Variants in LRRC74A observed in about 807,000 individuals in gnomAD.
The protein encoded by LRRC74A is leucine rich repeat containing 74A.
In LRRC74A, 44 loss-of-function variants were observed where a neutral mutation model predicts 57.9. That is an observed-to-expected ratio of 0.76 (90% CI 0.60 to 0.98). LRRC74A has a LOEUF of 0.98. LRRC74A is among the 50% of genes least tolerant of loss of function. The pLI, the probability that LRRC74A is intolerant of heterozygous loss-of-function variation, is 0.00. For missense variants in LRRC74A, 572 were observed against 574.0 expected, an observed-to-expected ratio of 1.00 and a Z score of 0.04; for synonymous variants, 211 against 219.4, an observed-to-expected ratio of 0.96 and a Z score of 0.34.
intron 2 of LRRC74A, among the ~76,000 whole-genome samples, chr14:76,830,808 T>A (rs1319181062): frequency 6.6e-6 from 1 of 152,204 alleles, no homozygotes; most frequent in African/African-American, 2.4e-5. Flanking sequence ...CCATCAACCA[T>A]CAAAAGTCAT....
intron 7 of LRRC74A, among the ~76,000 whole-genome samples, chr14:76,850,591 G>A (rs992529351): frequency 3.9e-5 from 6 of 152,100 alleles, no homozygotes; most frequent in African/African-American, 9.7e-5. Context: ...AAATAGGCCC[G>A]TGCAGTGGCT....
intron 12 of LRRC74A, among the ~76,000 whole-genome samples, chr14:76,866,497 G>T (rs575820214): frequency 2.0e-5 from 3 of 152,124 alleles, no homozygotes; most frequent in Non-Finnish European, 4.4e-5. Context: ...GGTACTGAAA[G>T]CCCCCTGTAA....
At chr14:76,845,778 C>T (rs1400245388) in intron 7 of LRRC74A, among the ~76,000 whole-genome samples, 18 of 152,228 alleles carry the variant, frequency 1.2e-4, no homozygotes, top group African/African-American at 3.1e-4. Context: ...CCCAGCACTT[C>T]GGGAGGCCGA....
At position 76,844,941 on chromosome 14, in the gene LRRC74A, T is replaced by C. The variant is rs1269238788; in HGVS notation, c.676+40T>C. ...AGGAAGGGACAGCAAAGGGGAGGGA[T>C]AGGGAAGAATCACTTGGCAGAGCGG... On this transcript the variant is annotated intron_variant, in intron 7 of 13. Transcript: ENST00000689127. The C allele has an allele frequency of 3.9e-6, 4 of 1,029,424 alleles. No homozygotes were observed. In the African/African-American group the frequency reaches 6.3e-5, roughly 16 times the overall value. The allele number at this position is 1,029,424 out of a possible 1,614,324, so 63.8% of individuals were successfully genotyped here. A position where few individuals can be genotyped will look rare whatever the true frequency, so the allele number is the denominator to read the frequency against.
intron 5 of LRRC74A, 129 bp downstream of exon 5, chr14:76,838,100 C>T (rs1595354664): frequency 1.6e-6 from 1 of 613,770 alleles, no homozygotes; most frequent in Admixed American, 3.0e-5. Context: ...AATACTGCAT[C>T]TATGCCTGCT....
At chr14:76,842,881 T>C (rs1198724547) in intron 5 of LRRC74A, among the ~76,000 whole-genome samples, 1 of 152,176 alleles carries the variant, frequency 6.6e-6, no homozygotes, top group African/African-American at 2.4e-5. Flanking sequence ...TCACAAAATG[T>C]AAGGAGTGCC....
intron 7 of LRRC74A, among the ~76,000 whole-genome samples, chr14:76,847,872 T>C (rs1897209373): frequency 6.6e-6 from 1 of 151,956 alleles, no homozygotes; most frequent in African/African-American, 2.4e-5. Context: ...ACCCACTCTC[T>C]ACAAAAAATT....
intron 9 of LRRC74A, among the ~76,000 whole-genome samples, chr14:76,855,165 C>A (rs1468066689): frequency 3.9e-5 from 6 of 152,192 alleles, no homozygotes; most frequent in African/African-American, 1.4e-4. Flanking sequence ...AAGCCAGATT[C>A]TGACAGGCAG....
chr14:76,864,902 G>A (rs949829948), intron 11 of LRRC74A, among the ~76,000 whole-genome samples: 3 of 152,198 alleles, frequency 2.0e-5, no homozygotes, highest in African/African-American at 7.2e-5. Context: ...CATTGAAAAG[G>A]TGTTCATATG....
chr14:76,854,524 T>C (rs947596680), intron 9 of LRRC74A, among the ~76,000 whole-genome samples: 1 of 152,134 alleles, frequency 6.6e-6, no homozygotes, highest in South Asian at 2.1e-4. Flanking sequence ...GGAGAATCAC[T>C]GAACCCAGGA....
At position 76,830,024 on chromosome 14, in the gene LRRC74A, C is replaced by T. The variant is rs553938726; in HGVS notation, c.167-1179C>T. The stretch of plus-strand genomic sequence containing the variant: ...TTGCTACTGGCATCTTGTGGGTCCA[C>T]GCCAGAGATCCTACTAAACACCCTA... On this transcript the variant is annotated intron_variant, in intron 2 of 13. Coordinates refer to ENST00000689127, the MANE Select transcript of LRRC74A (RefSeq NM_001385106.1). 2.7e-4 allele frequency among the ~76,000 whole-genome samples: 41 copies of T among 152,260 alleles called. No homozygotes were observed. The South Asian group carries it at 7.5e-3, about 28-fold the overall frequency.
chr14:76,834,642 C>T (rs1896192897), intron 3 of LRRC74A, among the ~76,000 whole-genome samples: 1 of 152,108 alleles, frequency 6.6e-6, no homozygotes, highest in African/African-American at 2.4e-5. Context: ...ATCCTTGTTC[C>T]CCAGCAGTGA....
At chr14:76,854,874 G>A (rs762593771) in intron 9 of LRRC74A, among the ~76,000 whole-genome samples, 10 of 152,136 alleles carry the variant, frequency 6.6e-5, no homozygotes, top group African/African-American at 1.7e-4. Context: ...GCCAGCTGTC[G>A]TTACTCATAG....
intron 7 of LRRC74A, among the ~76,000 whole-genome samples, chr14:76,845,770 C>T (rs1026928795): frequency 3.9e-5 from 6 of 152,248 alleles, no homozygotes; most frequent in African/African-American, 1.4e-4. Context: ...CCTGTAGTCC[C>T]AGCACTTCGG....
In LRRC74A at chr14:76,860,668, T is replaced by C. The variant is rs553365872; in HGVS notation, c.1054-25T>C. ...CACGATGGCAGTGCCCTCATCATCATGGGTCCCCTCTCTCCCTGTCACAGA... is the reference window on the plus strand; with the variant it reads ...CACGATGGCAGTGCCCTCATCATCACGGGTCCCCTCTCTCCCTGTCACAGA... On this transcript the variant is annotated intron_variant, in intron 10 of 13. Transcript: ENST00000689127. 17 of 1,583,434 alleles carry C rather than the reference T, an allele frequency of 1.1e-5. No homozygotes were observed. The East Asian group carries it at 1.6e-4, about 15-fold the overall frequency.
chr14:76,833,438 T>A (rs1896105359), intron 3 of LRRC74A, among the ~76,000 whole-genome samples: 1 of 3,444 alleles, frequency 2.9e-4, no homozygotes, highest in Non-Finnish European at 2.5e-3. Flanking sequence ...TCACATCACT[T>A]TTTTTTTTTT....
At chr14:76,857,537 T>C (rs2140303114) in intron 10 of LRRC74A, 62 bp downstream of exon 10, 1 of 1,228,122 alleles carries the variant, frequency 8.1e-7, no homozygotes, top group East Asian at 2.6e-5. Context: ...GTCCACTCTA[T>C]ACTCTGTGTT....
At chr14:76,868,814 C>T (rs1899173803) in intron 13 of LRRC74A, among the ~76,000 whole-genome samples, 1 of 152,248 alleles carries the variant, frequency 6.6e-6, no homozygotes, top group African/African-American at 2.4e-5. Flanking sequence ...GCAGCCAGAC[C>T]CAGCTGCAAG....
chr14:76,826,622 G>T lies in LRRC74A; in HGVS notation c.-76G>T. 1 of 1,611,728 alleles carries T rather than the reference G, an allele frequency of 6.2e-7. No individual in the cohort carries two copies. The highest frequency in any genetic ancestry group is 8.5e-7 in the Non-Finnish European group (1 of 1,179,006). On this transcript the variant is annotated 5_prime_UTR_variant, in exon 1 of 14. Transcript: ENST00000689127. ...ACAGAGTTTGAGACAGAGGTGAATGGACAGGTGTGCTTCTTAGGGAAGCAG... is the reference window on the plus strand; with the variant it reads ...ACAGAGTTTGAGACAGAGGTGAATGTACAGGTGTGCTTCTTAGGGAAGCAG...
Sources: allele counts gnomAD v4.1 joint callset (sites outside exome capture counted in the v4.1 genomes callset), GRCh38; gene constraint gnomAD v4.1.1; transcripts MANE v1.5; gene names NCBI Gene and HGNC (gene_info 2026-07-23, HGNC 2026-07-21).